Variants in RORA observed in about 807,000 individuals in gnomAD.
The protein encoded by RORA is RAR related orphan receptor A.
Under a neutral mutation model 69.5 loss-of-function variants are expected in RORA, and 7 were observed. The observed-to-expected ratio is 0.10, with a 90% CI of 0.06 to 0.19. The LOEUF is 0.19. Among genes scored for constraint, RORA ranks in the 10% least tolerant of loss-of-function variants. RORA has a pLI of 1.00. For synonymous variants in RORA, 261 were observed against 240.8 expected, an observed-to-expected ratio of 1.08 and a Z score of -0.78; for missense variants, 457 against 663.0, an observed-to-expected ratio of 0.69 and a Z score of 3.41.
intron 1 of RORA, among the ~76,000 whole-genome samples, chr15:60,920,036 TCA>T (rs948094391): frequency 2.0e-5 from 3 of 152,074 alleles, no homozygotes; most frequent in African/African-American, 7.2e-5. Flanking sequence ...GGAAGAAGGC[TCA>T]GTTTTAGTGG....
chr15:60,811,680 A>C (rs2072744912), intron 1 of RORA, among the ~76,000 whole-genome samples: 1 of 152,206 alleles, frequency 6.6e-6, no homozygotes, highest in Non-Finnish European at 1.5e-5. Context: ...TGGAAAACTG[A>C]CAGTTTCTTT....
intron 1 of RORA, among the ~76,000 whole-genome samples, chr15:60,908,225 G>A (rs1192684763): frequency 6.6e-6 from 1 of 152,260 alleles, no homozygotes; most frequent in Non-Finnish European, 1.5e-5. Context: ...CTTCATGCCT[G>A]AGCTGACCGT....
intron 1 of RORA, among the ~76,000 whole-genome samples, chr15:60,789,051 T>C (rs1324000107): frequency 6.6e-6 from 1 of 152,166 alleles, no homozygotes; most frequent in Non-Finnish European, 1.5e-5. Context: ...CAAAATGAAA[T>C]ATTGATTTGC....
chr15:60,523,872 G>A (rs921131915), intron 3 of RORA, among the ~76,000 whole-genome samples: 1 of 152,066 alleles, frequency 6.6e-6, no homozygotes, highest in South Asian at 2.1e-4. Context: ...ACAGGGTCTC[G>A]CTTTGTTGCC....
intron 1 of RORA, among the ~76,000 whole-genome samples, chr15:61,046,064 G>A (rs1897004592): frequency 6.6e-6 from 1 of 152,160 alleles, no homozygotes; most frequent in Non-Finnish European, 1.5e-5. Flanking sequence ...GAGAAATCCG[G>A]GGACAGGATA....
At chr15:60,592,205 C>T (rs1047841802) in intron 2 of RORA, among the ~76,000 whole-genome samples, 1 of 151,838 alleles carries the variant, frequency 6.6e-6, no homozygotes, top group African/African-American at 2.4e-5. Context: ...GCAGGCCGAT[C>T]CCGTGGCCGG....
intron 1 of RORA, among the ~76,000 whole-genome samples, chr15:61,080,647 C>T (rs1158867755): frequency 6.6e-6 from 1 of 152,126 alleles, no homozygotes; most frequent in East Asian, 1.9e-4. Flanking sequence ...CACTTTGAGG[C>T]CTTTCTACCA....
chr15:60,503,134 G>C (rs1356357184), intron 7 of RORA, among the ~76,000 whole-genome samples: 3 of 152,158 alleles, frequency 2.0e-5, no homozygotes, highest in African/African-American at 7.2e-5. Context: ...CTTCTACCTC[G>C]CAATGCAGAG....
At chr15:60,964,672 T>C (rs1375948138) in intron 1 of RORA, among the ~76,000 whole-genome samples, 2 of 152,166 alleles carry the variant, frequency 1.3e-5, no homozygotes, top group Non-Finnish European at 2.9e-5. Context: ...GATGTCCTGC[T>C]GGCACAGCAC....
At chr15:60,563,029 G>A (rs1009256863) in intron 2 of RORA, among the ~76,000 whole-genome samples, 2 of 152,084 alleles carry the variant, frequency 1.3e-5, no homozygotes, top group African/African-American at 2.4e-5. Context: ...TCAAGTTTGG[G>A]CTCAAATAAA....
intron 1 of RORA, among the ~76,000 whole-genome samples, chr15:60,936,113 T>C (rs1395182732): frequency 6.6e-6 from 1 of 151,966 alleles, no homozygotes; most frequent in African/African-American, 2.4e-5. Context: ...ACCATCAGAG[T>C]CCCTGTGCAA....
In RORA at chr15:60,537,317, T is replaced by C. The variant is rs1323311099; in HGVS notation, c.197-5466A>G. ...CTAGCTGAGGGGTCAAAAGTAGAGG[T>C]TGAAATGCACCTGGCTGTGAGCCTT... On this transcript the variant is annotated intron_variant, in intron 2 of 10. Transcript: ENST00000335670. The surrounding 1 kb of genome is among the most constrained non-coding windows in gnomAD (Gnocchi z 4.9). 2.6e-5 allele frequency among the ~76,000 whole-genome samples: 4 copies of C among 152,096 alleles called. No homozygotes were observed. Among genetic ancestry groups the C allele is most frequent in the Non-Finnish European group, 4.4e-5 (3 of 67,994 alleles).
chr15:60,887,574 T>C (rs2073765443), intron 1 of RORA, among the ~76,000 whole-genome samples: 2 of 152,330 alleles, frequency 1.3e-5, no homozygotes, highest in South Asian at 4.1e-4. Flanking sequence ...CATCTTTTCA[T>C]GCATGTTGGA....
intron 1 of RORA, among the ~76,000 whole-genome samples, chr15:60,952,394 CCT>C (rs1240004003): frequency 6.6e-6 from 1 of 152,024 alleles, no homozygotes; most frequent in Non-Finnish European, 1.5e-5. Context: ...ACAGGGATGC[CCT>C]CTCTCACCAC....
intron 2 of RORA, among the ~76,000 whole-genome samples, chr15:60,576,967 T>C (rs1296661081): frequency 6.6e-6 from 1 of 152,222 alleles, no homozygotes; most frequent in Non-Finnish European, 1.5e-5. Flanking sequence ...TTTGCTAATA[T>C]AGGTTGCAGA....
intron 1 of RORA, among the ~76,000 whole-genome samples, chr15:61,227,350 G>A (rs1352678186): frequency 6.6e-6 from 1 of 151,882 alleles, no homozygotes; most frequent in African/African-American, 2.4e-5. Flanking sequence ...AAAGCTCCCC[G>A]CACACAAACT....
chr15:60,912,432 A>G (rs1214819813), intron 1 of RORA, among the ~76,000 whole-genome samples: 1 of 147,588 alleles, frequency 6.8e-6, no homozygotes, highest in East Asian at 2.0e-4. Flanking sequence ...CCTCAAAAAA[A>G]CAAAACAAAA....
chr15:60,853,727 G>A (rs1345526752), intron 1 of RORA, among the ~76,000 whole-genome samples: 2 of 152,156 alleles, frequency 1.3e-5, no homozygotes, highest in Non-Finnish European at 2.9e-5. Flanking sequence ...CTAATTTGTT[G>A]AATTTCAGGA....
At chr15:61,134,127 A>G (rs992144423) in intron 1 of RORA, among the ~76,000 whole-genome samples, 17 of 152,170 alleles carry the variant, frequency 1.1e-4, no homozygotes, top group African/African-American at 3.4e-4. Flanking sequence ...ACTCAGGATG[A>G]GCACCCTGAT....
Sources: allele counts gnomAD v4.1 joint callset (sites outside exome capture counted in the v4.1 genomes callset), GRCh38; gene constraint gnomAD v4.1.1; non-coding constraint Gnocchi (gnomAD v3.1); transcripts MANE v1.5; gene names NCBI Gene and HGNC (gene_info 2026-07-23, HGNC 2026-07-21).